The following ZGRF1 variants were observed in gnomAD, a reference collection of about 807,000 sequenced individuals.
The protein encoded by ZGRF1 is zinc finger GRF-type containing 1, also known as 5'-3' DNA helicase ZGRF1.
ZGRF1 carries 196 observed loss-of-function variants against 203.5 expected under a neutral mutation model. The ratio of observed to expected loss-of-function variants is 0.96; its 90% CI spans 0.86 to 1.08. ZGRF1 has a LOEUF of 1.08. ZGRF1 is among the 50% of genes least tolerant of loss of function. The probability of loss-of-function intolerance (pLI) is 0.00; values close to 1 mark genes in which losing one functional copy is unlikely to be tolerated. For synonymous variants in ZGRF1, 809 were observed against 841.3 expected, an observed-to-expected ratio of 0.96 and a Z score of 0.66; for missense variants, 2,326 against 2,416.3, an observed-to-expected ratio of 0.96 and a Z score of 0.78.
chr4:112,605,143 A>G (rs1353486322), intron 9 of ZGRF1, among the ~76,000 whole-genome samples: 1 of 151,728 alleles, frequency 6.6e-6, no homozygotes, highest in Non-Finnish European at 1.5e-5. Flanking sequence ...CCCCACAAGG[A>G]AACAGGTACA....
chr4:112,584,091 A>ATATC lies in ZGRF1; in HGVS notation c.4181_4184dup (p.Tyr1395Ter). On this transcript the variant is annotated stop_gained and frameshift_variant, in exon 15 of 28. Coordinates refer to ENST00000505019, the MANE Select transcript of ZGRF1 (RefSeq NM_018392.5). LOFTEE classifies it high-confidence loss of function. The stretch of plus-strand genomic sequence containing the variant: ...CAGGTCGAGCTCCTTCCTGTGTTGA[A>ATATC]TATCCTGGAGTCACGTCCTCAAGCC... The ATATC allele has an allele frequency of 6.2e-7, 1 of 1,613,510 alleles. No homozygotes were observed. Among genetic ancestry groups the ATATC allele is most frequent in the Non-Finnish European group, 8.5e-7 (1 of 1,179,536 alleles).
In ZGRF1 at chr4:112,561,207, C is replaced by A. The variant is rs1741910148; in HGVS notation, c.4698-212G>T. ...ACTGACGTTTGTTGAATACTTACTACATGCTGACACTTTGTTGAGCATTTT... is the reference window on the plus strand; with the variant it reads ...ACTGACGTTTGTTGAATACTTACTAAATGCTGACACTTTGTTGAGCATTTT... On this transcript the variant is annotated intron_variant, in intron 18 of 27. Coordinates refer to ENST00000505019, the MANE Select transcript of ZGRF1 (RefSeq NM_018392.5). 5.8e-6 allele frequency: 3 copies of A among 518,912 alleles called. No individual in the cohort carries two copies. The South Asian group carries it at 7.6e-5, about 13-fold the overall frequency. The allele number at this position is 518,912 out of a possible 1,614,324, so 32.1% of individuals were successfully genotyped here. A position where few individuals can be genotyped will look rare whatever the true frequency, so the allele number is the denominator to read the frequency against.
At chr4:112,554,210 C>G (rs191891856) in intron 21 of ZGRF1, among the ~76,000 whole-genome samples, 2 of 125,232 alleles carry the variant, frequency 1.6e-5, no homozygotes, top group Non-Finnish European at 3.3e-5. Context: ...CCCCTCCCCC[C>G]ACCCACAACA....
intron 10 of ZGRF1, among the ~76,000 whole-genome samples, chr4:112,593,190 A>G (rs1748461138): frequency 1.3e-5 from 2 of 152,152 alleles, no homozygotes; most frequent in Admixed American, 6.6e-5. Context: ...GCTTTACTCA[A>G]TGAAAATTGC....
Position 112,566,760 on chromosome 4 carries a change from G to T in ZGRF1, c.4439-3486C>A, listed in dbSNP as rs546164387. 2.6e-5 allele frequency among the ~76,000 whole-genome samples: 4 copies of T among 152,132 alleles called. No homozygotes were observed. In the East Asian group the frequency reaches 7.7e-4, roughly 29 times the overall value. ...GTTTTGTACTGGGGTTTGTGTCCCT[G>T]AAGTGATTTTGGCCAAGGGCAGAAG... On this transcript the variant is annotated intron_variant, in intron 16 of 27. Coordinates refer to ENST00000505019, the MANE Select transcript of ZGRF1 (RefSeq NM_018392.5).
chr4:112,575,051 A>G (rs1426258068), intron 16 of ZGRF1, among the ~76,000 whole-genome samples: 1 of 152,050 alleles, frequency 6.6e-6, no homozygotes, highest in Non-Finnish European at 1.5e-5. Context: ...AAGCAAACAA[A>G]AAAAAAACAA....
chr4:112,618,117 A>C lies in ZGRF1; in HGVS notation c.1925T>G (p.Leu642Ter). 4 of 1,613,932 alleles carry C rather than the reference A, an allele frequency of 2.5e-6. No homozygotes were observed. The highest frequency in any genetic ancestry group is 3.4e-6 in the Non-Finnish European group (4 of 1,179,894). The change falls in exon 6 of 28, where the codon TTA (leucine) becomes TGA (stop). Residue 642 changes from leucine to a stop codon, truncating the protein, a stop_gained. Transcript: ENST00000505019. LOFTEE classifies it high-confidence loss of function. ...GKEIEEYSDT[L>*]SNFESFKWTD... is the part of the protein sequence containing the mutation. ...CCACTTGAAAGATTCAAAATTGCTT[A>C]ATGTGTCACTATACTCCTCTATTTC...
chr4:112,586,577 T>G lies in ZGRF1; in HGVS notation c.3784A>C (p.Ser1262Arg). Residue 1262 changes from serine (S) to arginine (R), a missense_variant, in exon 13 of 28, where the codon AGT becomes CGT. Coordinates refer to ENST00000505019, the MANE Select transcript of ZGRF1 (RefSeq NM_018392.5). ...CTTGGAAAGCACAGCTCAGAGCCAC[T>G]TATCTCCTGCAATGGAATAATTCAA... Reference protein sequence around the residue: ...NYSVKDLQEISGSELCFPSGQ... With the variant: ...NYSVKDLQEIRGSELCFPSGQ... 6.2e-7 allele frequency: 1 copy of G among 1,605,080 alleles called. No individual in the cohort carries two copies. Among genetic ancestry groups the G allele is most frequent in the Non-Finnish European group, 8.5e-7 (1 of 1,174,896 alleles).
chr4:112,614,573 A>T (rs2046800847), intron 6 of ZGRF1, among the ~76,000 whole-genome samples: 1 of 152,226 alleles, frequency 6.6e-6, no homozygotes, highest in Non-Finnish European at 1.5e-5. Flanking sequence ...TCACGCCTAT[A>T]ATCCCAGCAC....
At position 112,587,770 on chromosome 4, in the gene ZGRF1, C is replaced by T; in HGVS notation, c.3287G>A (p.Gly1096Asp). 1.9e-6 allele frequency: 3 copies of T among 1,554,302 alleles called. No homozygotes were observed. Among genetic ancestry groups the T allele is most frequent in the Non-Finnish European group, 2.6e-6 (3 of 1,148,210 alleles). The stretch of plus-strand genomic sequence containing the variant: ...TTCACACAAATTGAGCATGGGGGAG[C>T]CAGAAGACTCGTATGTGTTAGAGTT... ...MINSNTYESS[G>D]SPMLNLCEKS... The change falls in exon 12 of 28, where the codon GGC becomes GAC. Residue 1096 changes from glycine (G) to aspartate (D), a missense_variant. Coordinates refer to ENST00000505019, the MANE Select transcript of ZGRF1 (RefSeq NM_018392.5).
rs547936581 is a variant in ZGRF1 at position 112,610,960 on chromosome 4, G to A, written c.2668-1531C>T. 138 of 293,538 alleles carry A rather than the reference G, an allele frequency of 4.7e-4. 1 individual carries two copies. Among genetic ancestry groups the A allele is most frequent in the African/African-American group, 3.0e-3 (130 of 43,026 alleles). 18.2% of individuals were successfully genotyped at this position (293,538 alleles called of 1,614,324 possible). A position where few individuals can be genotyped will look rare whatever the true frequency, so the allele number is the denominator to read the frequency against. ...TTTTTAACTGGACACAAAAAAATCT[G>A]GAAACATTAATAAATATTCTGAGAG... On this transcript the variant is annotated intron_variant, in intron 7 of 27. Coordinates refer to ENST00000505019, the MANE Select transcript of ZGRF1 (RefSeq NM_018392.5).
chr4:112,635,131 A>G (rs1416572390), intron 1 of ZGRF1, among the ~76,000 whole-genome samples: 2 of 145,512 alleles, frequency 1.4e-5, no homozygotes, highest in Non-Finnish European at 3.0e-5. Context: ...CTCCATCTCA[A>G]AAAAAAAAAA....
At chr4:112,548,457 A>G in intron 22 of ZGRF1, 77 bp from the exon 23 acceptor site, 1 of 1,216,476 alleles carries the variant, frequency 8.2e-7, no homozygotes, top group Non-Finnish European at 1.1e-6. Context: ...AAGAACTTGT[A>G]GGCTAAAATT....
At chr4:112,557,620 A>G (rs1741188352) in intron 20 of ZGRF1, among the ~76,000 whole-genome samples, 1 of 152,194 alleles carries the variant, frequency 6.6e-6, no homozygotes, top group South Asian at 2.1e-4. Context: ...GGAGACAAAG[A>G]GCATCCAGGT....
At chr4:112,629,507 C>T (rs1368720669) in intron 3 of ZGRF1, among the ~76,000 whole-genome samples, 2 of 151,504 alleles carry the variant, frequency 1.3e-5, no homozygotes, top group East Asian at 1.9e-4. Context: ...CCTGTCTCTA[C>T]AAAAAATGTA....
rs2046993426 is a variant in ZGRF1, at chr4:112,619,458, A to G, written c.584T>C (p.Val195Ala). The change falls in exon 6 of 28, where the codon GTT (valine) becomes GCT (alanine). Residue 195 changes from valine (V) to alanine (A), a missense_variant. By Grantham distance (64) the Val-to-Ala change is moderately conservative (BLOSUM62 0). Coordinates refer to ENST00000505019, the MANE Select transcript of ZGRF1 (RefSeq NM_018392.5). ...GTTAATCTGGAAGGATGGAGAAAAA[A>G]CCGAAGAAAAATCCATGGCATTTCT... is the stretch of plus-strand genomic sequence containing the variant. ...RERNAMDFSS[V>A]FSPSFQINPE... is the part of the protein sequence containing the mutation. The G allele has an allele frequency of 2.5e-6, 4 of 1,611,824 alleles. No homozygotes were observed. Among genetic ancestry groups the G allele is most frequent in the Admixed American group, 1.7e-5 (1 of 59,698 alleles).
Position 112,603,698 on chromosome 4 carries a change from C to T in ZGRF1, c.2803-1G>A. 6.2e-7 allele frequency: 1 copy of T among 1,608,224 alleles called. No homozygotes were observed. Among genetic ancestry groups the T allele is most frequent in the Non-Finnish European group, 8.5e-7 (1 of 1,176,992 alleles). ...CTTGATGTCCTTGAAACTCAACAGG[C>T]TACAGGTAAATTATTAAAAATAAGA... is the stretch of plus-strand genomic sequence containing the variant. On this transcript the variant is annotated splice_acceptor_variant, in intron 9 of 27. Transcript: ENST00000505019. LOFTEE classifies it high-confidence loss of function.
chr4:112,565,682 C>A (rs1215926578), intron 16 of ZGRF1, among the ~76,000 whole-genome samples: 1 of 152,058 alleles, frequency 6.6e-6, no homozygotes, highest in Non-Finnish European at 1.5e-5. Context: ...AAAAAGTGGG[C>A]GAAGGACATG....
chr4:112,584,108 C>G lies in ZGRF1; in HGVS notation c.4168G>C (p.Asp1390His). 1 of 1,613,620 alleles carries G rather than the reference C, an allele frequency of 6.2e-7. No individual in the cohort carries two copies. The highest frequency in any genetic ancestry group is 8.5e-7 in the Non-Finnish European group (1 of 1,179,688). ...TGTGTTGAATATCCTGGAGTCACGT[C>G]CTCAAGCCATTTAAAGAATTTACAT... ...DRCKFFKWLE[D>H]VTPGYSTQEG... is the part of the protein sequence containing the mutation. The change falls in exon 15 of 28, where the codon GAC becomes CAC. Residue 1390 changes from aspartate to histidine, a missense_variant. Asp to His is a moderately conservative substitution (Grantham distance 81). Coordinates refer to ENST00000505019, the MANE Select transcript of ZGRF1 (RefSeq NM_018392.5).
Sources: gnomAD v4.1 joint callset for allele counts (sites outside exome capture counted in the v4.1 genomes callset) on GRCh38, gnomAD v4.1.1 for gene constraint, MANE v1.5 for transcripts, NCBI Gene and HGNC (gene_info 2026-07-23, HGNC 2026-07-21) for gene names.